The following AGO2 variants were observed in gnomAD, a reference collection of about 807,000 sequenced individuals.
AGO2 encodes the protein protein argonaute-2.
AGO2 carries 5 observed loss-of-function variants against 102.3 expected under a neutral mutation model. The ratio of observed to expected loss-of-function variants is 0.05; its 90% CI spans 0.03 to 0.10. The LOEUF is 0.10. AGO2 is among the 10% of genes least tolerant of loss of function. AGO2 has a pLI of 1.00. For missense variants in AGO2, 541 were observed against 1,183.7 expected, an observed-to-expected ratio of 0.46 and a Z score of 7.97; for synonymous variants, 449 against 473.1, an observed-to-expected ratio of 0.95 and a Z score of 0.66.
intron 1 of AGO2, among the ~76,000 whole-genome samples, chr8:140,611,947 G>T (rs577389251): frequency 6.6e-6 from 1 of 152,076 alleles, no homozygotes; most frequent in Admixed American, 6.5e-5. Context: ...GAGTTCGACC[G>T]GGCGCGGTGG....
At chr8:140,546,246 A>G (rs1006595260) in intron 13 of AGO2, among the ~76,000 whole-genome samples, 1 of 152,106 alleles carries the variant, frequency 6.6e-6, no homozygotes, top group Admixed American at 6.5e-5. Flanking sequence ...TTCCCATGTT[A>G]TTATCCCGCT....
intron 14 of AGO2, among the ~76,000 whole-genome samples, chr8:140,542,338 C>T (rs951296461): frequency 6.6e-6 from 1 of 152,218 alleles, no homozygotes; most frequent in Admixed American, 6.5e-5. Flanking sequence ...CCTCCTTCTT[C>T]GTAAATCCTT....
At chr8:140,553,639 C>T (rs2073044277) in intron 10 of AGO2, among the ~76,000 whole-genome samples, 1 of 151,836 alleles carries the variant, frequency 6.6e-6, no homozygotes, top group Admixed American at 6.6e-5. Context: ...GAATTCCTGA[C>T]CTCAGGTGAT....
intron 1 of AGO2, among the ~76,000 whole-genome samples, chr8:140,627,083 G>A (rs1250252446): frequency 1.3e-5 from 2 of 152,146 alleles, no homozygotes; most frequent in Non-Finnish European, 1.5e-5. Flanking sequence ...CCAAAGCAGG[G>A]GCTAAAGAAC....
At chr8:140,536,128 A>G (rs1301315390) in intron 16 of AGO2, among the ~76,000 whole-genome samples, 1 of 152,178 alleles carries the variant, frequency 6.6e-6, no homozygotes, top group Non-Finnish European at 1.5e-5. Flanking sequence ...ACATATAACC[A>G]TTCAATGGTT....
chr8:140,598,214 C>T lies in AGO2; in HGVS notation c.23-12903G>A, dbSNP rs1016811177. On this transcript the variant is annotated intron_variant, in intron 1 of 18. Coordinates refer to ENST00000220592, the MANE Select transcript of AGO2 (RefSeq NM_012154.5). Reference sequence around the variant, plus strand: ...CGACCCGTATGGGAAGATGTCTGAACCCCGAGACGGCGTGTTCTGTGCTGG... The same window carrying T: ...CGACCCGTATGGGAAGATGTCTGAATCCCGAGACGGCGTGTTCTGTGCTGG... Among the ~76,000 whole-genome samples the T allele has an allele frequency of 2.6e-5, 4 of 152,334 alleles. No individual in the cohort carries two copies. In the South Asian group the frequency reaches 8.3e-4, roughly 32 times the overall value.
chr8:140,639,668 G>A (rs370196213), upstream of AGO2, among the ~76,000 whole-genome samples: 5 of 152,152 alleles, frequency 3.3e-5, no homozygotes, highest in African/African-American at 1.2e-4. Flanking sequence ...AGCTACTCAG[G>A]AGACTGAGGT....
intron 3 of AGO2, 52 bp downstream of exon 3, chr8:140,572,760 G>A (rs2073400416): frequency 3.8e-6 from 6 of 1,585,506 alleles, no homozygotes; most frequent in Middle Eastern, 1.9e-4. Flanking sequence ...CAACATGTGT[G>A]AGCTTTACTT....
intron 10 of AGO2, among the ~76,000 whole-genome samples, chr8:140,553,496 G>C (rs1367799824): frequency 6.9e-6 from 1 of 145,352 alleles, no homozygotes; most frequent in Non-Finnish European, 1.5e-5. Context: ...CGCAACCTCT[G>C]CCTCCTGGGT....
intron 1 of AGO2, among the ~76,000 whole-genome samples, chr8:140,613,187 A>G (rs1002056786): frequency 6.6e-6 from 1 of 152,110 alleles, no homozygotes; most frequent in Admixed American, 6.6e-5. Context: ...GCGACAGAGC[A>G]AGACTCCGTC....
intron 1 of AGO2, among the ~76,000 whole-genome samples, chr8:140,612,220 C>CAAAA (rs542472147): frequency 3.1e-5 from 3 of 95,960 alleles, no homozygotes; most frequent in African/African-American, 4.3e-5. Flanking sequence ...GACTCTGTCT[C>CAAAA]AAAAAAAAAA....
intron 17 of AGO2, among the ~76,000 whole-genome samples, chr8:140,534,569 G>A (rs561563775): frequency 7.9e-5 from 12 of 152,328 alleles, no homozygotes; most frequent in South Asian, 4.1e-4. Context: ...GGCTGGACCC[G>A]GCCCACAGGC....
intron 1 of AGO2, among the ~76,000 whole-genome samples, chr8:140,604,654 G>A (rs951208182): frequency 2.0e-5 from 3 of 151,926 alleles, no homozygotes; most frequent in Non-Finnish European, 2.9e-5. Context: ...GTGAAACCCC[G>A]TCTCTACTAA....
intron 1 of AGO2, among the ~76,000 whole-genome samples, chr8:140,591,422 T>C (rs2073744908): frequency 6.6e-6 from 1 of 152,180 alleles, no homozygotes; most frequent in Non-Finnish European, 1.5e-5. Flanking sequence ...AGCCTGCGCC[T>C]CCAGATCAGA....
intron 10 of AGO2, among the ~76,000 whole-genome samples, chr8:140,554,760 C>T (rs2132924398): frequency 6.6e-6 from 1 of 152,102 alleles, no homozygotes; most frequent in East Asian, 1.9e-4. Context: ...GGTGTGATCT[C>T]AGCTCACTGC....
In AGO2 at chr8:140,555,770, G is replaced by A. The variant is rs559271632; in HGVS notation, c.1269+126C>T. On this transcript the variant is annotated intron_variant, in intron 10 of 18. Coordinates refer to ENST00000220592, the MANE Select transcript of AGO2 (RefSeq NM_012154.5). ...TCTCACGTCTTTTACAGGCTCAGCC[G>A]GGAGTAGAAAGGATTCTCCTGCATG... The A allele has an allele frequency of 4.2e-4, 557 of 1,332,666 alleles. 3 individuals are homozygous for A. Among genetic ancestry groups the A allele is most frequent in the South Asian group, 2.1e-3 (129 of 60,842 alleles). 82.6% of individuals were successfully genotyped at this position (1,332,666 alleles called of 1,614,324 possible).
At chr8:140,639,990 C>T (rs144524268), upstream of AGO2, among the ~76,000 whole-genome samples, 1 of 151,194 alleles carries the variant, frequency 6.6e-6, no homozygotes, top group African/African-American at 2.4e-5. Flanking sequence ...CCCTCTGTTT[C>T]CTCTCAAGTT....
intron 1 of AGO2, among the ~76,000 whole-genome samples, chr8:140,619,324 T>C (rs2074184307): frequency 6.6e-6 from 1 of 152,160 alleles, no homozygotes; most frequent in Admixed American, 6.5e-5. Flanking sequence ...CGACCTCACT[T>C]TCCACTCTGG....
At chr8:140,627,684 G>C (rs929053618) in intron 1 of AGO2, among the ~76,000 whole-genome samples, 4 of 152,140 alleles carry the variant, frequency 2.6e-5, no homozygotes, top group African/African-American at 9.7e-5. Context: ...GGTATTGGCC[G>C]ATTTGCATTG....
Sources: gnomAD v4.1 joint callset for allele counts (sites outside exome capture counted in the v4.1 genomes callset) on GRCh38, gnomAD v4.1.1 for gene constraint, MANE v1.5 for transcripts, NCBI Gene and HGNC (gene_info 2026-07-23, HGNC 2026-07-21) for gene names.